The following MCM3AP variants were observed in gnomAD, a reference collection of about 807,000 sequenced individuals.
MCM3AP encodes germinal-center associated nuclear protein.
In MCM3AP, 126 loss-of-function variants were observed where a neutral mutation model predicts 184.1. The ratio of observed to expected loss-of-function variants is 0.68; its 90% CI spans 0.59 to 0.79. The LOEUF is 0.79. MCM3AP is among the 30% of genes least tolerant of loss of function. The pLI is 0.00. For missense variants in MCM3AP, 2,496 were observed against 2,479.2 expected, an observed-to-expected ratio of 1.01 and a Z score of -0.14; for synonymous variants, 1,002 against 979.3, an observed-to-expected ratio of 1.02 and a Z score of -0.43.
At chr21:46,274,405 T>C (rs1396211490) in intron 6 of MCM3AP, among the ~76,000 whole-genome samples, 1 of 152,168 alleles carries the variant, frequency 6.6e-6, no homozygotes, top group Non-Finnish European at 1.5e-5. Flanking sequence ...ACAATATTAC[T>C]AATAGAACTA....
intron 20 of MCM3AP, chr21:46,250,077 C>G (rs2080844481): frequency 6.5e-6 from 1 of 152,718 alleles, no homozygotes; most frequent in African/African-American, 2.4e-5. Flanking sequence ...ATTTGGAAAA[C>G]TCTACCGAGA....
At chr21:46,262,431 T>G (rs923001347) in intron 13 of MCM3AP, among the ~76,000 whole-genome samples, 5 of 152,102 alleles carry the variant, frequency 3.3e-5, no homozygotes, top group African/African-American at 1.2e-4. Context: ...GAGCACTGCT[T>G]GAGCCCAGGA....
chr21:46,238,085 G>A (rs1238803054), intron 26 of MCM3AP, among the ~76,000 whole-genome samples: 2 of 79,846 alleles, frequency 2.5e-5, no homozygotes, highest in Non-Finnish European at 4.6e-5. Context: ...GGCAACAAGA[G>A]CAAAACTCCA....
chr21:46,259,514 A>C (rs1415315897), intron 15 of MCM3AP: 2 of 154,690 alleles, frequency 1.3e-5, no homozygotes, highest in Non-Finnish European at 2.9e-5. Context: ...TTACACCTGT[A>C]ATCCTAGCTC....
chr21:46,285,828 C>G (rs2081414030), upstream of MCM3AP: 1 of 152,928 alleles, frequency 6.5e-6, no homozygotes, highest in Non-Finnish European at 1.5e-5. Flanking sequence ...GCGGCTGGAG[C>G]GCTAAGCACT....
chr21:46,266,294 C>G, intron 10 of MCM3AP, 128 bp from the exon 11 acceptor site: 3 of 1,057,062 alleles, frequency 2.8e-6, no homozygotes, highest in Non-Finnish European at 4.0e-6. Context: ...ACAGAAAGCA[C>G]AGGCGCCAGG....
intron 7 of MCM3AP, 116 bp downstream of exon 7, chr21:46,273,272 G>A: frequency 9.9e-7 from 1 of 1,012,570 alleles, no homozygotes; most frequent in Non-Finnish European, 1.5e-6. Flanking sequence ...ACTGCACCTG[G>A]CCCACAAAAG....
At position 46,278,614 on chromosome 21, in the gene MCM3AP, G is replaced by A. The variant is rs375644311; in HGVS notation, c.1668-897C>T. ...GTTAACACAACTAACATGGCCGACC[G>A]TGTCTGCTTCACTGTGATAAGCTGC... On this transcript the variant is annotated intron_variant, in intron 4 of 27. Transcript: ENST00000291688. Among the ~76,000 whole-genome samples the A allele has an allele frequency of 7.2e-5, 11 of 152,238 alleles. No individual in the cohort carries two copies. In the South Asian group the frequency reaches 1.5e-3, roughly 20 times the overall value.
chr21:46,261,063 CTGCCTTTCCT>C (rs1337189672), intron 14 of MCM3AP, among the ~76,000 whole-genome samples, 157 bp from the exon 15 acceptor site: 1 of 152,246 alleles, frequency 6.6e-6, no homozygotes, highest in Non-Finnish European at 1.5e-5. Context: ...CTCCCTTCCC[CTGCCTTTCCT>C]GGCTGGGAAG....
At chr21:46,244,526 A>T (rs1469016018) in intron 23 of MCM3AP, 1 of 486,628 alleles carries the variant, frequency 2.1e-6, no homozygotes, top group East Asian at 3.5e-5. Flanking sequence ...TCCTCCCAGT[A>T]CCACTTGTCA....
chr21:46,280,165 T>G, intron 3 of MCM3AP, 28 bp from the exon 4 acceptor site: 1 of 1,611,878 alleles, frequency 6.2e-7, no homozygotes, highest in South Asian at 1.1e-5. Context: ...AGAAAAGAGT[T>G]TATGCAATCA....
intron 5 of MCM3AP, among the ~76,000 whole-genome samples, chr21:46,277,042 T>G (rs1307697781): frequency 6.6e-6 from 1 of 152,186 alleles, no homozygotes; most frequent in Admixed American, 6.5e-5. Flanking sequence ...TGAGCCACCA[T>G]GCCCAGCCCG....
At chr21:46,276,667 C>T (rs1489216043) in intron 5 of MCM3AP, among the ~76,000 whole-genome samples, 2 of 152,032 alleles carry the variant, frequency 1.3e-5, no homozygotes, top group African/African-American at 4.8e-5. Context: ...TCTCGAACTC[C>T]TGACCTCAGG....
intron 26 of MCM3AP, among the ~76,000 whole-genome samples, chr21:46,239,097 T>G (rs1044304803): frequency 3.9e-5 from 6 of 152,172 alleles, no homozygotes; most frequent in African/African-American, 1.4e-4. Context: ...TGGACAGTCC[T>G]AGGCAAAAGG....
rs760331680 is a variant in MCM3AP, at chr21:46,251,511, A to G, written c.4290+18T>C. The G allele has an allele frequency of 8.2e-6, 13 of 1,579,328 alleles. No homozygotes were observed. Among genetic ancestry groups the G allele is most frequent in the South Asian group, 1.1e-5 (1 of 89,506 alleles). ...GTAATGAAAACACAGAAGTAAACACAAAGTAATTATAGTTCACCTTTATAC... is the reference window on the plus strand; with the variant it reads ...GTAATGAAAACACAGAAGTAAACACGAAGTAATTATAGTTCACCTTTATAC... On this transcript the variant is annotated intron_variant, in intron 20 of 27. Coordinates refer to ENST00000291688, the MANE Select transcript of MCM3AP (RefSeq NM_003906.5).
At chr21:46,271,655 TC>T (rs2081181655) in intron 8 of MCM3AP, among the ~76,000 whole-genome samples, 1 of 151,874 alleles carries the variant, frequency 6.6e-6, no homozygotes, top group African/African-American at 2.4e-5. Context: ...GGTCAGGAGT[TC>T]CGGACAAGCC....
intron 4 of MCM3AP, among the ~76,000 whole-genome samples, chr21:46,278,425 G>A (rs1202246032): frequency 6.6e-6 from 1 of 152,140 alleles, no homozygotes; most frequent in Non-Finnish European, 1.5e-5. Flanking sequence ...CAACTAAACT[G>A]CTCGTCACAA....
chr21:46,237,038 C>T, intron 26 of MCM3AP, 59 bp from the exon 27 acceptor site: 1 of 1,013,552 alleles, frequency 9.9e-7, no homozygotes. Flanking sequence ...AACTATTGTT[C>T]ATTAATCTTC....
Position 46,285,281 on chromosome 21 carries a change from G to A in MCM3AP, c.6C>T (p.Asn2=). 6.2e-7 allele frequency: 1 copy of A among 1,607,250 alleles called. No individual in the cohort carries two copies. Among genetic ancestry groups the A allele is most frequent in the Non-Finnish European group, 8.5e-7 (1 of 1,174,954 alleles). The change falls in exon 1 of 28, where the codon AAC becomes AAT. Residue 2 remains asparagine (N), a synonymous_variant. Transcript: ENST00000291688. The part of the protein sequence containing the change: M[N]PTNPFSGQQP... ...GCTGCCCACTGAAAGGATTAGTTGG[G>A]TTCATCTTCTGCTCCAATTATTAGA...
Sources: gnomAD v4.1 joint callset for allele counts (sites outside exome capture counted in the v4.1 genomes callset) on GRCh38, gnomAD v4.1.1 for gene constraint, MANE v1.5 for transcripts, NCBI Gene and HGNC (gene_info 2026-07-23, HGNC 2026-07-21) for gene names.